Variants in LRRC9 observed in about 807,000 individuals in gnomAD.
The protein encoded by LRRC9 is leucine-rich repeat-containing protein 9.
Under a neutral mutation model 63.2 loss-of-function variants are expected in LRRC9, and 122 were observed. The observed-to-expected ratio is 1.93, with a 90% confidence interval of 1.67 to 2.24. The LOEUF is 2.24. Ranked by LOEUF, LRRC9 falls within the 30% of genes most tolerant of loss-of-function variation. LRRC9 has a pLI of 0.00. For synonymous variants in LRRC9, 366 were observed against 213.1 expected, an observed-to-expected ratio of 1.72 and a Z score of -6.25; for missense variants, 1,071 against 627.7, an observed-to-expected ratio of 1.71 and a Z score of -7.55.
At chr14:59,977,566 ATTTGTGTGTG>A (rs1886431314) in intron 14 of LRRC9, among the ~76,000 whole-genome samples, 1 of 130,562 alleles carries the variant, frequency 7.7e-6, no homozygotes, top group South Asian at 2.5e-4. Context: ...GTAATTATGT[ATTTGTGTGTG>A]TGTGTGTGTG....
In LRRC9 at chr14:60,031,948, ATGT is replaced by A; in HGVS notation, c.3922-44_3922-42del. On this transcript the variant is annotated intron_variant, in intron 28 of 31. Transcript: ENST00000445360. This position sits in a 1 kb window ranked among gnomAD's most constrained non-coding sequence, Gnocchi z 4.6. ...ACTTCAAATTAGTCTATATTTTAAG[ATGT>A]TGAGTCTAACCAAATAATAACTTAC... 1 of 684,568 alleles carries A rather than the reference ATGT, an allele frequency of 1.5e-6. No individual in the cohort carries two copies. The highest frequency in any genetic ancestry group is 2.6e-6 in the Non-Finnish European group (1 of 378,790). The allele number at this position is 684,568 out of a possible 1,614,324, so 42.4% of individuals were successfully genotyped here.
chr14:60,020,723 G>C (rs991702354), intron 26 of LRRC9, among the ~76,000 whole-genome samples: 2 of 151,834 alleles, frequency 1.3e-5, no homozygotes, highest in Non-Finnish European at 2.9e-5. Context: ...CTATAAAATA[G>C]ACGGTCTTTT....
chr14:60,024,410 C>T (rs981397074), intron 27 of LRRC9, among the ~76,000 whole-genome samples: 3 of 151,890 alleles, frequency 2.0e-5, no homozygotes, highest in Non-Finnish European at 2.9e-5. Context: ...AGAGAAGTAG[C>T]GTGAGAAAAA....
chr14:59,953,405 A>T (rs956154639), intron 8 of LRRC9, among the ~76,000 whole-genome samples: 2 of 152,176 alleles, frequency 1.3e-5, no homozygotes, highest in Non-Finnish European at 2.9e-5. Context: ...TTCTCTAATG[A>T]CCAGTGATGA....
chr14:60,030,402 C>T (rs942907354), intron 28 of LRRC9: 11 of 152,030 alleles, frequency 7.2e-5, no homozygotes, highest in African/African-American at 2.4e-4. Flanking sequence ...CACAGAAACA[C>T]AATTGAAAGA....
intron 23 of LRRC9, 94 bp downstream of exon 23, chr14:60,008,308 A>C: frequency 1.8e-6 from 1 of 541,476 alleles, no homozygotes; most frequent in Non-Finnish European, 3.3e-6. Context: ...TATCACTAGC[A>C]TTATAGCCAA....
chr14:59,957,488 A>G (rs997140305), intron 8 of LRRC9, among the ~76,000 whole-genome samples: 17 of 152,048 alleles, frequency 1.1e-4, no homozygotes, highest in African/African-American at 3.6e-4. Flanking sequence ...CAGGTCATTT[A>G]TGTTCTTCTC....
intron 31 of LRRC9, 107 bp from the exon 33 acceptor site, chr14:60,063,216 C>T (rs1445649277): frequency 1.6e-6 from 1 of 635,860 alleles, no homozygotes; most frequent in Non-Finnish European, 2.8e-6. Flanking sequence ...TGAAATTGCG[C>T]ACATCTAAAA....
intron 8 of LRRC9, among the ~76,000 whole-genome samples, chr14:59,955,975 C>T (rs989500510): frequency 2.0e-5 from 3 of 152,118 alleles, no homozygotes; most frequent in African/African-American, 4.8e-5. Flanking sequence ...ATCCTGAGTT[C>T]TATTTTAATT....
At chr14:60,055,616 G>A (rs1296816510) in intron 30 of LRRC9, among the ~76,000 whole-genome samples, 1 of 152,116 alleles carries the variant, frequency 6.6e-6, no homozygotes, top group African/African-American at 2.4e-5. Context: ...GCAGGGGCCA[G>A]GCTTGGCGGC....
intron 7 of LRRC9, among the ~76,000 whole-genome samples, chr14:59,941,684 C>T (rs1286812240): frequency 6.6e-6 from 1 of 152,006 alleles, no homozygotes; most frequent in Non-Finnish European, 1.5e-5. Context: ...ACAGTTGATG[C>T]ACAATAATTC....
At chr14:60,052,097 G>C (rs1205337213) in intron 29 of LRRC9, among the ~76,000 whole-genome samples, 1 of 152,206 alleles carries the variant, frequency 6.6e-6, no homozygotes, top group African/African-American at 2.4e-5. Context: ...GAGTGCTGCA[G>C]ACTGCAGCTG....
chr14:59,994,004 A>G (rs993732413), intron 17 of LRRC9, among the ~76,000 whole-genome samples: 1 of 152,200 alleles, frequency 6.6e-6, no homozygotes, highest in African/African-American at 2.4e-5. Context: ...AATCAACAGA[A>G]TATACATTCT....
intron 8 of LRRC9, among the ~76,000 whole-genome samples, chr14:59,957,294 G>T (rs1883869593): frequency 6.6e-6 from 1 of 152,058 alleles, no homozygotes; most frequent in Non-Finnish European, 1.5e-5. Flanking sequence ...TTTTCACATA[G>T]TCCCATATTT....
intron 17 of LRRC9, 82 bp from the exon 18 acceptor site, chr14:59,997,574 T>A: frequency 1.7e-6 from 1 of 597,552 alleles, no homozygotes; most frequent in South Asian, 2.1e-5. Context: ...GTGTGTAAAG[T>A]ATGTAAAGAA....
chr14:60,030,875 T>C (rs1401504391), intron 28 of LRRC9, among the ~76,000 whole-genome samples: 3 of 152,040 alleles, frequency 2.0e-5, no homozygotes, highest in African/African-American at 4.8e-5. Context: ...ATCAGCCCTT[T>C]CCCCACAATT....
intron 8 of LRRC9, 40 bp downstream of exon 8, chr14:59,944,784 A>G: frequency 1.6e-6 from 1 of 607,992 alleles, no homozygotes; most frequent in Non-Finnish European, 2.9e-6. Flanking sequence ...GCCATACCTT[A>G]AGAAAACCGT....
chr14:60,008,068 G>A (rs919985302), intron 22 of LRRC9, 24 bp from the exon 23 acceptor site: 4 of 647,316 alleles, frequency 6.2e-6, no homozygotes, highest in African/African-American at 5.5e-5. Context: ...ACATATAGAT[G>A]AATATATGTA....
At chr14:60,010,134 C>G (rs1469449359) in intron 23 of LRRC9, among the ~76,000 whole-genome samples, 1 of 152,186 alleles carries the variant, frequency 6.6e-6, no homozygotes, top group Non-Finnish European at 1.5e-5. Context: ...AGGCAGTGCC[C>G]CAGTGGGGAC....
Sources: allele counts gnomAD v4.1 joint callset (sites outside exome capture counted in the v4.1 genomes callset), GRCh38; gene constraint gnomAD v4.1.1; non-coding constraint Gnocchi (gnomAD v3.1); transcripts MANE v1.5; gene names NCBI Gene and HGNC (gene_info 2026-07-23, HGNC 2026-07-21).